The following RAP2A variants were observed in gnomAD, a reference collection of about 807,000 sequenced individuals.
The protein encoded by RAP2A is RAP2A, member of RAS oncogene family, also known as ras-related protein Rap-2a.
In RAP2A, 5 loss-of-function variants were observed where a neutral mutation model predicts 15.1. The observed-to-expected ratio is 0.33, with a 90% CI of 0.17 to 0.70. The LOEUF is 0.70. Among genes scored for constraint, RAP2A ranks in the 30% least tolerant of loss-of-function variants. The pLI is 0.68. For synonymous variants in RAP2A, 110 were observed against 99.7 expected (o/e 1.10, Z -0.62); for missense variants, 111 against 240.3 (o/e 0.46, Z 3.56).
intron 1 of RAP2A, among the ~76,000 whole-genome samples, chr13:97,462,034 A>ATATATATATTTATATAGATATT (rs2066749599): frequency 1.5e-5 from 2 of 129,872 alleles, no homozygotes; most frequent in African/African-American, 6.2e-5. Flanking sequence ...TTATATATTT[A>ATATATATATTTATATAGATATT]TATATATTTA....
intron 1 of RAP2A, among the ~76,000 whole-genome samples, chr13:97,447,056 GTTTC>G (rs559049767): frequency 1.6e-3 from 248 of 152,072 alleles, no homozygotes; most frequent in Middle Eastern, 3.4e-3. Flanking sequence ...GATCCTTTTG[GTTTC>G]TTTGTGAAGA....
intron 1 of RAP2A, among the ~76,000 whole-genome samples, chr13:97,447,427 T>C (rs2066684466): frequency 6.6e-6 from 1 of 152,196 alleles, no homozygotes. Flanking sequence ...GAGTCTATTA[T>C]TTGGTGGTGC....
At position 97,441,172 on chromosome 13, in the gene RAP2A, G is replaced by A. The variant is rs184109199; in HGVS notation, c.314+6388G>A. The stretch of plus-strand genomic sequence containing the variant: ...CACTTTTGTCTGGCCGGGGTGATGA[G>A]GGAAGGGGTCAAGTTTAATATGAAC... On this transcript the variant is annotated intron_variant, in intron 1 of 1. Coordinates refer to ENST00000245304, the MANE Select transcript of RAP2A (RefSeq NM_021033.7). Among the ~76,000 whole-genome samples the A allele has an allele frequency of 1.8e-3, 271 of 152,220 alleles. 1 individual carries two copies. Among genetic ancestry groups the A allele is most frequent in the African/African-American group, 6.0e-3 (249 of 41,534 alleles).
chr13:97,440,439 T>C (rs1236328654), intron 1 of RAP2A, among the ~76,000 whole-genome samples: 1 of 152,124 alleles, frequency 6.6e-6, no homozygotes, highest in Non-Finnish European at 1.5e-5. Context: ...GTGAGAATTA[T>C]GGCTGCCAAA....
At chr13:97,464,117 A>G in intron 1 of RAP2A, 88 bp from the exon 2 acceptor site, 1 of 1,157,498 alleles carries the variant, frequency 8.6e-7, no homozygotes, top group South Asian at 1.4e-5. Context: ...TTATGTTGGA[A>G]TAGCCCCCAA....
chr13:97,439,256 A>G (rs1361298425), intron 1 of RAP2A, among the ~76,000 whole-genome samples: 1 of 152,214 alleles, frequency 6.6e-6, no homozygotes, highest in African/African-American at 2.4e-5. Context: ...CACAATTGTC[A>G]TAGGTATAGC....
chr13:97,466,157 A>G lies in RAP2A; in HGVS notation c.*1715A>G, dbSNP rs1291874039. The G allele has an allele frequency of 6.6e-6, 1 of 152,046 alleles. No individual in the cohort carries two copies. Among genetic ancestry groups the G allele is most frequent in the Non-Finnish European group, 1.5e-5 (1 of 67,992 alleles). 9.4% of individuals were successfully genotyped at this position (152,046 alleles called of 1,614,324 possible). A position where few individuals can be genotyped will look rare whatever the true frequency, so the allele number is the denominator to read the frequency against. ...TAAAGTGTCTTTTATACTTTTATGA[A>G]ATCATTGGTAGCCCCCCAAGTGTTT... is the stretch of plus-strand genomic sequence containing the variant. On this transcript the variant is annotated 3_prime_UTR_variant, in exon 2 of 2. Coordinates refer to ENST00000245304, the MANE Select transcript of RAP2A (RefSeq NM_021033.7).
At position 97,466,408 on chromosome 13, in the gene RAP2A, C is replaced by A. The variant is rs2066771865; in HGVS notation, c.*1966C>A. 1 of 152,080 alleles carries A rather than the reference C, an allele frequency of 6.6e-6. No individual in the cohort carries two copies. The highest frequency in any genetic ancestry group is 1.5e-5 in the Non-Finnish European group (1 of 68,008). 9.4% of individuals were successfully genotyped at this position (152,080 alleles called of 1,614,324 possible). On this transcript the variant is annotated 3_prime_UTR_variant, in exon 2 of 2. Transcript: ENST00000245304. ...TAACCAATTTTATTGAAACGAATTT[C>A]ACTGTGTAAAAGTTGGTTTGATTCA... is the stretch of plus-strand genomic sequence containing the variant.
intron 1 of RAP2A, among the ~76,000 whole-genome samples, chr13:97,442,345 A>G (rs1000346184): frequency 2.0e-5 from 3 of 152,274 alleles, no homozygotes; most frequent in East Asian, 1.9e-4. Flanking sequence ...ATTTTAAAAC[A>G]TACCAAAATT....
chr13:97,455,378 A>G (rs1450072359), intron 1 of RAP2A, among the ~76,000 whole-genome samples: 2 of 151,460 alleles, frequency 1.3e-5, no homozygotes, highest in East Asian at 3.8e-4. Flanking sequence ...TATGACATCT[A>G]TTGATAGTTT....
At chr13:97,440,571 G>A (rs867369005) in intron 1 of RAP2A, among the ~76,000 whole-genome samples, 12 of 152,118 alleles carry the variant, frequency 7.9e-5, no homozygotes, top group Admixed American at 5.9e-4. Flanking sequence ...GATTTAAATG[G>A]TCAAAAAATT....
chr13:97,440,223 T>C (rs1260832125), intron 1 of RAP2A, among the ~76,000 whole-genome samples: 1 of 152,150 alleles, frequency 6.6e-6, no homozygotes, highest in African/African-American at 2.4e-5. Context: ...CAGAGCCTAA[T>C]AGCTGTGGGT....
chr13:97,447,677 C>T (rs2066685247), intron 1 of RAP2A, among the ~76,000 whole-genome samples: 1 of 152,182 alleles, frequency 6.6e-6, no homozygotes, highest in South Asian at 2.1e-4. Flanking sequence ...CGTTTTTAGC[C>T]TGGTGGCCAT....
At chr13:97,457,770 T>C (rs1477315338) in intron 1 of RAP2A, among the ~76,000 whole-genome samples, 1 of 152,172 alleles carries the variant, frequency 6.6e-6, no homozygotes, top group African/African-American at 2.4e-5. Context: ...ATAGTGATCA[T>C]TCTCACAGAG....
At chr13:97,446,556 A>G (rs1378971264) in intron 1 of RAP2A, among the ~76,000 whole-genome samples, 1 of 152,134 alleles carries the variant, frequency 6.6e-6, no homozygotes, top group East Asian at 1.9e-4. Flanking sequence ...GCCTGTTAAG[A>G]CTGTGTTGAT....
At position 97,434,590 on chromosome 13, in the gene RAP2A, C is replaced by T. The variant is rs776630170; in HGVS notation, c.120C>T (p.Tyr40=). The T allele has an allele frequency of 1.9e-6, 3 of 1,614,122 alleles. No individual in the cohort carries two copies. The highest frequency in any genetic ancestry group is 1.1e-5 in the South Asian group (1 of 91,076). The change falls in exon 1 of 2, where the codon TAC becomes TAT. Residue 40 remains tyrosine, a synonymous_variant. Coordinates refer to ENST00000245304, the MANE Select transcript of RAP2A (RefSeq NM_021033.7). ...EKYDPTIEDF[Y]RKEIEVDSSP... ...ACGACCCCACCATCGAGGACTTCTACCGCAAGGAGATCGAGGTGGATTCGT... is the reference window on the plus strand; with the variant it reads ...ACGACCCCACCATCGAGGACTTCTATCGCAAGGAGATCGAGGTGGATTCGT...
chr13:97,434,397 G>A lies in RAP2A; in HGVS notation c.-74G>A. ...GCGGCGGGGCGGGCCGCCGGGGCCGGGGCTGGGGGCGCAGCGCGGCCGGCG... is the reference window on the plus strand; with the variant it reads ...GCGGCGGGGCGGGCCGCCGGGGCCGAGGCTGGGGGCGCAGCGCGGCCGGCG... On this transcript the variant is annotated 5_prime_UTR_variant, in exon 1 of 2. Coordinates refer to ENST00000245304, the MANE Select transcript of RAP2A (RefSeq NM_021033.7). The A allele has an allele frequency of 1.8e-6, 2 of 1,091,720 alleles. No homozygotes were observed. Among genetic ancestry groups the A allele is most frequent in the Non-Finnish European group, 2.2e-6 (2 of 894,316 alleles). The allele number at this position is 1,091,720 out of a possible 1,614,324, so 67.6% of individuals were successfully genotyped here.
At position 97,455,054 on chromosome 13, in the gene RAP2A, GT is replaced by G. The variant is rs374166081; in HGVS notation, c.315-9148del. On this transcript the variant is annotated intron_variant, in intron 1 of 1. Transcript: ENST00000245304. ...TTTCAAGATTTTATCTTTGTCTGTA[GT>G]TTCAAATGATTTGATTATACTGTGC... is the stretch of plus-strand genomic sequence containing the variant. Among the ~76,000 whole-genome samples, 330 of 151,314 alleles carry G rather than the reference GT, an allele frequency of 2.2e-3. 11 individuals carry two copies. The highest frequency in any genetic ancestry group is 7.5e-3 in the African/African-American group (309 of 41,112).
In RAP2A at chr13:97,464,520, C is replaced by A; in HGVS notation, c.*78C>A. 1.5e-6 allele frequency: 2 copies of A among 1,304,866 alleles called. No individual in the cohort carries two copies. The highest frequency in any genetic ancestry group is 1.7e-5 in the Admixed American group (1 of 57,960). 80.8% of individuals were successfully genotyped at this position (1,304,866 alleles called of 1,614,324 possible). A position where few individuals can be genotyped will look rare whatever the true frequency, so the allele number is the denominator to read the frequency against. On this transcript the variant is annotated 3_prime_UTR_variant, in exon 2 of 2. Coordinates refer to ENST00000245304, the MANE Select transcript of RAP2A (RefSeq NM_021033.7). The stretch of plus-strand genomic sequence containing the variant: ...AAAACTCGCCTACTCCACTGCAGAA[C>A]TTGCAGAATGCGTGGTGTTAATCTA...
Sources: allele counts gnomAD v4.1 joint callset (sites outside exome capture counted in the v4.1 genomes callset), GRCh38; gene constraint gnomAD v4.1.1; transcripts MANE v1.5; gene names NCBI Gene and HGNC (gene_info 2026-07-23, HGNC 2026-07-21).